The following SLC39A8 variants were observed in gnomAD, a reference collection of about 807,000 sequenced individuals.
The protein encoded by SLC39A8 is solute carrier family 39 member 8, also known as metal cation symporter ZIP8.
In SLC39A8, 15 loss-of-function variants were observed where a neutral mutation model predicts 40.4. That is an observed-to-expected ratio of 0.37 (90% CI 0.25 to 0.57). The LOEUF (loss-of-function observed/expected upper bound fraction) is 0.57, where lower values mean the gene tolerates loss of function less well. Ranked by LOEUF, SLC39A8 falls within the 20% of genes least tolerant of loss-of-function variation. The probability of loss-of-function intolerance (pLI) is 0.75; values close to 1 mark genes in which losing one functional copy is unlikely to be tolerated. For synonymous variants in SLC39A8, 223 were observed against 221.6 expected, an observed-to-expected ratio of 1.01 and a Z score of -0.06; for missense variants, 472 against 558.8, an observed-to-expected ratio of 0.84 and a Z score of 1.57.
At chr4:102,255,529 G>A (rs917137290) in intron 11 of SLC39A8, among the ~76,000 whole-genome samples, 3 of 152,090 alleles carry the variant, frequency 2.0e-5, no homozygotes, top group Non-Finnish European at 4.4e-5. Flanking sequence ...AGAGGCAAGA[G>A]TTTTGGCTCT....
intron 6 of SLC39A8, among the ~76,000 whole-genome samples, chr4:102,277,726 C>T (rs1281913598): frequency 6.6e-6 from 1 of 152,200 alleles, no homozygotes; most frequent in Non-Finnish European, 1.5e-5. Context: ...CGCTACCTGA[C>T]TTCAAACTAT....
At position 102,340,532 on chromosome 4, in the gene SLC39A8, G is replaced by A. The variant is rs549323596; in HGVS notation, c.219+3912C>T. Among the ~76,000 whole-genome samples, 12 of 152,274 alleles carry A rather than the reference G, an allele frequency of 7.9e-5. No homozygotes were observed. The South Asian group carries it at 2.5e-3, about 32-fold the overall frequency. The stretch of plus-strand genomic sequence containing the variant: ...TAAATGGTCCATTAAGATTGGAACT[G>A]TGACAAAGGATACGGTTTAAGAAAC... On this transcript the variant is annotated intron_variant, in intron 2 of 8. Transcript: ENST00000356736.
intron 2 of SLC39A8, among the ~76,000 whole-genome samples, chr4:102,342,664 G>C (rs1735996236): frequency 6.6e-6 from 1 of 152,164 alleles, no homozygotes; most frequent in Non-Finnish European, 1.5e-5. Context: ...ATGAGAATGA[G>C]AAAACAGGTG....
chr4:102,329,816 T>A (rs1735371384), intron 2 of SLC39A8, among the ~76,000 whole-genome samples: 2 of 152,048 alleles, frequency 1.3e-5, no homozygotes, highest in African/African-American at 2.4e-5. Context: ...AGAATGGTAA[T>A]CATAACAAAC....
At chr4:102,253,388 A>T in exon 12 of SLC39A8, 1 of 715,822 alleles carries the variant, frequency 1.4e-6, no homozygotes. Context: ...TATTGCAGAG[A>T]TGTGGAGGTG....
At chr4:102,325,727 G>C (rs915455572) in intron 2 of SLC39A8, among the ~76,000 whole-genome samples, 3 of 151,806 alleles carry the variant, frequency 2.0e-5, no homozygotes, top group Admixed American at 6.6e-5. Flanking sequence ...CAATGTACTT[G>C]TATTTCAGTT....
At chr4:102,258,012 C>G (rs1731747148), downstream of SLC39A8, among the ~76,000 whole-genome samples, 1 of 152,154 alleles carries the variant, frequency 6.6e-6, no homozygotes, top group Non-Finnish European at 1.5e-5. Flanking sequence ...CATCCCTGAG[C>G]ATGGGGTTCC....
chr4:102,308,980 C>T (rs1249286540), intron 3 of SLC39A8, among the ~76,000 whole-genome samples: 3 of 152,024 alleles, frequency 2.0e-5, no homozygotes. Context: ...AGTCTGGCTC[C>T]CAGGCCCACA....
At chr4:102,282,743 T>C (rs953057497) in intron 6 of SLC39A8, among the ~76,000 whole-genome samples, 2 of 152,178 alleles carry the variant, frequency 1.3e-5, no homozygotes, top group African/African-American at 2.4e-5. Flanking sequence ...TTTGTTTGTT[T>C]TGAGACGGAG....
At position 102,265,571 on chromosome 4, in the gene SLC39A8, C is replaced by T. The variant is rs144337815; in HGVS notation, c.1233+1919G>A. Among the ~76,000 whole-genome samples, 627 of 152,216 alleles carry T rather than the reference C, an allele frequency of 4.1e-3. 8 individuals carry two copies. The highest frequency in any genetic ancestry group is 0.014 in the African/African-American group (577 of 41,538). ...ACAGATTTGCTTGAGGCAGGGTTGC[C>T]AAAAACTTTCAATGTGCAAAAAACC... On this transcript the variant is annotated intron_variant, in intron 8 of 8. Coordinates refer to ENST00000356736, the MANE Select transcript of SLC39A8 (RefSeq NM_001135146.2).
At chr4:102,298,790 C>T (rs917991458) in intron 6 of SLC39A8, among the ~76,000 whole-genome samples, 6 of 118,618 alleles carry the variant, frequency 5.1e-5, no homozygotes, top group African/African-American at 1.5e-4. Flanking sequence ...TGACTGACTT[C>T]ACAAAGAAAG....
intron 2 of SLC39A8, among the ~76,000 whole-genome samples, chr4:102,319,301 T>C (rs1188433923): frequency 6.6e-6 from 1 of 152,170 alleles, no homozygotes; most frequent in East Asian, 1.9e-4. Flanking sequence ...GCAAGTTCCT[T>C]CCTTAGCATT....
intron 6 of SLC39A8, among the ~76,000 whole-genome samples, chr4:102,284,258 C>A (rs1733049987): frequency 6.6e-6 from 1 of 152,170 alleles, no homozygotes; most frequent in African/African-American, 2.4e-5. Flanking sequence ...CTCCTGCTCA[C>A]CCTTCTGAAT....
chr4:102,313,326 A>G (rs1443091530), intron 3 of SLC39A8, among the ~76,000 whole-genome samples: 4 of 152,160 alleles, frequency 2.6e-5, no homozygotes, highest in African/African-American at 9.7e-5. Context: ...GTTGCATGAA[A>G]TTAATATATG....
At chr4:102,260,384 T>A (rs1263184475), downstream of SLC39A8, among the ~76,000 whole-genome samples, 3 of 152,232 alleles carry the variant, frequency 2.0e-5, no homozygotes, top group African/African-American at 7.2e-5. Flanking sequence ...CTAATTCTGG[T>A]CATTGAATAC....
intron 2 of SLC39A8, 95 bp downstream of exon 2, chr4:102,344,349 C>G (rs1317256441): frequency 1.2e-6 from 1 of 845,890 alleles, no homozygotes; most frequent in Non-Finnish European, 1.7e-6. Flanking sequence ...AAGATTCTTT[C>G]TCCTGCACTT....
intron 6 of SLC39A8, among the ~76,000 whole-genome samples, chr4:102,280,709 A>C (rs1374603711): frequency 6.6e-6 from 1 of 152,234 alleles, no homozygotes; most frequent in African/African-American, 2.4e-5. Flanking sequence ...CTTACCTTCC[A>C]GTCATTCAGT....
intron 2 of SLC39A8, among the ~76,000 whole-genome samples, chr4:102,328,079 G>T (rs972026632): frequency 1.3e-5 from 2 of 152,068 alleles, no homozygotes; most frequent in African/African-American, 4.8e-5. Context: ...TAAACTAAAA[G>T]TAATAAAAAC....
At chr4:102,313,435 T>C (rs1578604251) in intron 3 of SLC39A8, among the ~76,000 whole-genome samples, 1 of 152,136 alleles carries the variant, frequency 6.6e-6, no homozygotes, top group African/African-American at 2.4e-5. Flanking sequence ...TTGTTATTTC[T>C]TTTATTCATA....
Sources: gnomAD v4.1 joint callset for allele counts (sites outside exome capture counted in the v4.1 genomes callset) on GRCh38, gnomAD v4.1.1 for gene constraint, MANE v1.5 for transcripts, NCBI Gene and HGNC (gene_info 2026-07-23, HGNC 2026-07-21) for gene names.